The following RORA variants were observed in gnomAD, a reference collection of about 807,000 sequenced individuals.
RORA encodes nuclear receptor ROR-alpha.
In RORA, 7 loss-of-function variants were observed where a neutral mutation model predicts 69.5. That is an observed-to-expected ratio of 0.10 (90% CI 0.06 to 0.19). The LOEUF is 0.19. Among genes scored for constraint, RORA ranks in the 10% least tolerant of loss-of-function variants. RORA has a pLI of 1.00. For missense variants in RORA, 457 were observed against 663.0 expected (o/e 0.69, Z 3.41); for synonymous variants, 261 against 240.8 (o/e 1.08, Z -0.78).
chr15:61,107,842 G>C (rs1261663710), intron 1 of RORA, among the ~76,000 whole-genome samples: 1 of 151,948 alleles, frequency 6.6e-6, no homozygotes, highest in Non-Finnish European at 1.5e-5. Context: ...GAATCCCAGA[G>C]AGAATACACT....
chr15:61,118,056 G>C (rs1166553104), intron 1 of RORA, among the ~76,000 whole-genome samples: 1 of 152,202 alleles, frequency 6.6e-6, no homozygotes, highest in East Asian at 1.9e-4. Context: ...CTGGGCATTA[G>C]TTACAGAGAA....
chr15:60,743,933 A>G lies in RORA; in HGVS notation c.167-65247T>C, dbSNP rs558199397. 1.9e-4 allele frequency among the ~76,000 whole-genome samples: 29 copies of G among 152,322 alleles called. 1 individual carries two copies. The South Asian group carries it at 5.8e-3, about 30-fold the overall frequency. ...CATGGAATGGGGATGAAGGAGAAGA[A>G]TAAAAAGAAGCAAGACCATTTGGTT... On this transcript the variant is annotated intron_variant, in intron 1 of 10. Transcript: ENST00000335670.
chr15:60,947,960 A>G (rs1180612444), intron 1 of RORA, among the ~76,000 whole-genome samples: 2 of 152,164 alleles, frequency 1.3e-5, no homozygotes, highest in Non-Finnish European at 2.9e-5. Context: ...CACCACCCCT[A>G]TGGCCACCTG....
intron 1 of RORA, among the ~76,000 whole-genome samples, chr15:61,142,127 CAATATAG>C (rs2079305391): frequency 7.2e-6 from 1 of 138,052 alleles, no homozygotes; most frequent in Admixed American, 7.5e-5. Context: ...AAACTACATG[CAATATAG>C]ACCATTTATA....
At chr15:60,513,433 T>C (rs562781992) in intron 4 of RORA, among the ~76,000 whole-genome samples, 3 of 152,226 alleles carry the variant, frequency 2.0e-5, no homozygotes, top group South Asian at 4.1e-4. Flanking sequence ...GACTCCGCAA[T>C]TATGATTTAA....
chr15:61,038,369 C>A (rs1896570166), intron 1 of RORA, among the ~76,000 whole-genome samples: 1 of 152,138 alleles, frequency 6.6e-6, no homozygotes, highest in South Asian at 2.1e-4. Flanking sequence ...GTATTGATCA[C>A]AATAAAACAT....
intron 1 of RORA, among the ~76,000 whole-genome samples, chr15:60,706,755 C>A (rs1056756334): frequency 3.9e-5 from 6 of 152,106 alleles, no homozygotes; most frequent in African/African-American, 1.4e-4. Context: ...AAAGAGGGAG[C>A]AAACCTTAAA....
intron 1 of RORA, among the ~76,000 whole-genome samples, chr15:60,839,484 T>A (rs11071561): frequency 0.49 from 74,139 of 151,974 alleles, 19,053 homozygotes; most frequent in Non-Finnish European, 0.58. Flanking sequence ...AAGCTCAGAG[T>A]GATTAAATAC....
Position 60,511,336 on chromosome 15 carries a change from T to C in RORA, c.710A>G (p.Asn237Ser). The change falls in exon 5 of 11, where the codon AAT becomes AGT. Residue 237 changes from asparagine (N) to serine (S), a missense_variant. This residue lies in a region of RORA where 304 missense variants were observed against 447.4 expected (regional missense o/e 0.68). Coordinates refer to ENST00000335670, the MANE Select transcript of RORA (RefSeq NM_134261.3). This position sits in a 1 kb window ranked among gnomAD's most constrained non-coding sequence, Gnocchi z 6.4. ...PSPDQSGLDI[N>S]GIKPEPICDY... Reference sequence around the variant, plus strand: ...ACATATTGGTTCTGGTTTGATTCCATTGATATCAAGACCTGACTGGTCTGG... The same window carrying C: ...ACATATTGGTTCTGGTTTGATTCCACTGATATCAAGACCTGACTGGTCTGG... 6.2e-7 allele frequency: 1 copy of C among 1,614,168 alleles called. No individual in the cohort carries two copies. Among genetic ancestry groups the C allele is most frequent in the Non-Finnish European group, 8.5e-7 (1 of 1,180,024 alleles).
At chr15:60,892,771 G>A (rs1242399728) in intron 1 of RORA, among the ~76,000 whole-genome samples, 1 of 152,148 alleles carries the variant, frequency 6.6e-6, no homozygotes, top group Non-Finnish European at 1.5e-5. Context: ...ATCTTACTGT[G>A]AAAGAAATTT....
At chr15:60,517,530 G>C (rs1157801802) in intron 3 of RORA, among the ~76,000 whole-genome samples, 1 of 150,784 alleles carries the variant, frequency 6.6e-6, no homozygotes, top group Non-Finnish European at 1.5e-5. Flanking sequence ...GTAAGAAGAA[G>C]TAAGGCTTTC....
chr15:61,223,652 C>A (rs1202897021), intron 1 of RORA, among the ~76,000 whole-genome samples: 1 of 152,180 alleles, frequency 6.6e-6, no homozygotes, highest in Non-Finnish European at 1.5e-5. Context: ...CCTTGTGGCA[C>A]CATAAGATTC....
rs553195138 is a variant in RORA, at chr15:60,624,250, C to T, written c.196+54407G>A. Among the ~76,000 whole-genome samples the T allele has an allele frequency of 5.3e-5, 8 of 151,544 alleles. No homozygotes were observed. In the East Asian group the frequency reaches 1.5e-3, roughly 29 times the overall value. The stretch of plus-strand genomic sequence containing the variant: ...TTTTCTCTACATCCCTCTCTTCTTC[C>T]CTTCCTGTCTTCCTTCTTTCTTTTC... On this transcript the variant is annotated intron_variant, in intron 2 of 10. Transcript: ENST00000335670.
chr15:60,570,493 TTTATTA>T (rs375659438), intron 2 of RORA, among the ~76,000 whole-genome samples: 3 of 151,740 alleles, frequency 2.0e-5, no homozygotes, highest in Non-Finnish European at 2.9e-5. Flanking sequence ...CCATACCCAG[TTTATTA>T]TTATTATTAT....
chr15:60,592,721 C>G (rs1015664155), intron 2 of RORA: 6 of 1,049,878 alleles, frequency 5.7e-6, no homozygotes, highest in South Asian at 2.7e-5. Context: ...GCAGCGGCGG[C>G]TCTGCTGGCC....
intron 1 of RORA, among the ~76,000 whole-genome samples, chr15:60,711,931 A>C (rs1384055436): frequency 1.3e-5 from 2 of 152,218 alleles, no homozygotes; most frequent in Admixed American, 1.3e-4. Flanking sequence ...AGATGTTATA[A>C]ATTATAATAG....
At chr15:60,769,142 G>T (rs1473755528) in intron 1 of RORA, among the ~76,000 whole-genome samples, 1 of 152,156 alleles carries the variant, frequency 6.6e-6, no homozygotes, top group Non-Finnish European at 1.5e-5. Flanking sequence ...CTTAATAACA[G>T]GTTCTTAGCT....
intron 1 of RORA, among the ~76,000 whole-genome samples, chr15:61,189,124 G>GCAAC (rs1236368726): frequency 1.3e-5 from 2 of 152,148 alleles, no homozygotes; most frequent in African/African-American, 4.8e-5. Flanking sequence ...GTAAGAAACA[G>GCAAC]CAACCCACGA....
chr15:60,921,732 T>C (rs1892054432), intron 1 of RORA, among the ~76,000 whole-genome samples: 1 of 152,176 alleles, frequency 6.6e-6, no homozygotes, highest in African/African-American at 2.4e-5. Context: ...CCATGTGGCT[T>C]TTGGAATTCA....
Sources: allele counts gnomAD v4.1 joint callset (sites outside exome capture counted in the v4.1 genomes callset), GRCh38; gene constraint gnomAD v4.1.1; regional missense constraint gnomAD v4.1.1; non-coding constraint Gnocchi (gnomAD v3.1); transcripts MANE v1.5; gene names NCBI Gene and HGNC (gene_info 2026-07-23, HGNC 2026-07-21).